Variants in MACF1 observed in about 807,000 individuals in gnomAD.
MACF1 encodes the protein microtubule-actin cross-linking factor 1.
A neutral mutation model predicts 854.8 loss-of-function variants in MACF1; 193 were observed. The ratio of observed to expected loss-of-function variants is 0.23; its 90% CI spans 0.20 to 0.25. The LOEUF (loss-of-function observed/expected upper bound fraction) is 0.25, where lower values mean the gene tolerates loss of function less well. MACF1 is among the 10% of genes least tolerant of loss of function. The pLI, the probability that MACF1 is intolerant of heterozygous loss-of-function variation, is 1.00. For synonymous variants in MACF1, 3,185 were observed against 3,226.7 expected (o/e 0.99, Z 0.44); for missense variants, 7,722 against 8,929.1 (o/e 0.86, Z 5.45).
intron 6 of MACF1, among the ~76,000 whole-genome samples, chr1:39,259,341 A>C (rs1034867435): frequency 6.6e-6 from 1 of 152,122 alleles, no homozygotes; most frequent in African/African-American, 2.4e-5. Context: ...GGCTCACTGC[A>C]ACCTCCGCCT....
At chr1:39,195,632 C>G (rs1644309591) in intron 2 of MACF1, among the ~76,000 whole-genome samples, 1 of 152,116 alleles carries the variant, frequency 6.6e-6, no homozygotes, top group Non-Finnish European at 1.5e-5. Context: ...TGTGGAAGTA[C>G]TGGCTTTAAG....
chr1:39,343,171 T>C (rs1017324814), intron 40 of MACF1, among the ~76,000 whole-genome samples: 6 of 152,234 alleles, frequency 3.9e-5, no homozygotes, highest in African/African-American at 1.2e-4. Flanking sequence ...TTTTGTTCTA[T>C]TTAAGATTAT....
intron 97 of MACF1, among the ~76,000 whole-genome samples, chr1:39,471,996 A>G (rs1425122468): frequency 6.6e-6 from 1 of 152,200 alleles, no homozygotes; most frequent in Non-Finnish European, 1.5e-5. Context: ...ACTGAATTTT[A>G]ACATGCCCGC....
In MACF1 at chr1:39,251,448, C is replaced by T. The variant is rs180926590; in HGVS notation, c.262-398C>T. On this transcript the variant is annotated intron_variant, in intron 3 of 100. Coordinates refer to ENST00000564288, the MANE Select transcript of MACF1 (RefSeq NM_001394062.1). The stretch of plus-strand genomic sequence containing the variant: ...TGATCTTTTTTGGTTGTATTGCTTA[C>T]GTAATAAGTTGAAACTATGTCAATC... Among the ~76,000 whole-genome samples, 161 of 152,240 alleles carry T rather than the reference C, an allele frequency of 1.1e-3. 1 individual carries two copies. Among genetic ancestry groups the T allele is most frequent in the African/African-American group, 3.4e-3 (141 of 41,538 alleles).
intron 56 of MACF1, among the ~76,000 whole-genome samples, chr1:39,383,179 G>A (rs1206043444): frequency 6.6e-6 from 1 of 152,190 alleles, no homozygotes; most frequent in Non-Finnish European, 1.5e-5. Flanking sequence ...ATCCTGCCTG[G>A]AGGCTTTTAC....
At chr1:39,225,467 C>T (rs1353701609) in intron 1 of MACF1, among the ~76,000 whole-genome samples, 7 of 152,128 alleles carry the variant, frequency 4.6e-5, no homozygotes, top group Middle Eastern at 3.4e-3. Flanking sequence ...CCACCCGCCT[C>T]GGCCTCCCAA....
chr1:39,144,656 C>CTTT (rs56164405), intron 2 of MACF1, among the ~76,000 whole-genome samples: 1 of 146,570 alleles, frequency 6.8e-6, no homozygotes. Context: ...CAATTTTGGT[C>CTTT]TTTTTTTTTT....
At chr1:39,124,086 A>C (rs1455047471) in intron 2 of MACF1, among the ~76,000 whole-genome samples, 6 of 130,250 alleles carry the variant, frequency 4.6e-5, no homozygotes, top group African/African-American at 1.2e-4. Context: ...GGGCTTTGCC[A>C]TGTTGCCCAG....
intron 84 of MACF1, among the ~76,000 whole-genome samples, chr1:39,450,440 A>G (rs530218532): frequency 6.6e-6 from 1 of 152,096 alleles, no homozygotes; most frequent in East Asian, 1.9e-4. Context: ...AGAGTGGTAT[A>G]TGAGGTGATT....
At chr1:39,368,690 C>T (rs1442229331) in intron 50 of MACF1, among the ~76,000 whole-genome samples, 7 of 152,008 alleles carry the variant, frequency 4.6e-5, no homozygotes, top group Middle Eastern at 3.2e-3. Flanking sequence ...TTAGTAGAGA[C>T]GGGGTTTCCC....
At chr1:39,453,004 C>T (rs867683157) in intron 87 of MACF1, among the ~76,000 whole-genome samples, 192 bp downstream of exon 87, 2 of 152,216 alleles carry the variant, frequency 1.3e-5, no homozygotes, top group Non-Finnish European at 2.9e-5. Context: ...ACACCTTAAA[C>T]AGTAACATTC....
chr1:39,093,881 G>A (rs1465703362), intron 2 of MACF1, among the ~76,000 whole-genome samples: 4 of 151,652 alleles, frequency 2.6e-5, no homozygotes, highest in Admixed American at 1.3e-4. Flanking sequence ...TCTGCCTCCC[G>A]GGTTCTCCTG....
At chr1:39,153,880 G>A (rs988795799) in intron 2 of MACF1, among the ~76,000 whole-genome samples, 1 of 152,106 alleles carries the variant, frequency 6.6e-6, no homozygotes, top group Admixed American at 6.6e-5. Context: ...TGCTGCCAGG[G>A]GGAGACAATG....
chr1:39,246,548 G>C (rs1644982567), intron 2 of MACF1, among the ~76,000 whole-genome samples: 1 of 151,934 alleles, frequency 6.6e-6, no homozygotes, highest in Non-Finnish European at 1.5e-5. Context: ...CACTCCTGTT[G>C]CCCGGGCTGG....
chr1:39,134,798 A>T (rs751300558), intron 2 of MACF1, among the ~76,000 whole-genome samples: 15 of 152,338 alleles, frequency 9.8e-5, no homozygotes, highest in Non-Finnish European at 1.8e-4. Flanking sequence ...CTAATATAAC[A>T]TTTAGCATTT....
At chr1:39,359,785 A>G (rs1246294388) in intron 47 of MACF1, among the ~76,000 whole-genome samples, 1 of 151,178 alleles carries the variant, frequency 6.6e-6, no homozygotes, top group African/African-American at 2.4e-5. Context: ...CCTGGCCAAG[A>G]AGATGAAACC....
At chr1:39,387,113 C>T (rs1005576399) in intron 57 of MACF1, 74 bp from the exon 58 acceptor site, 23 of 1,509,298 alleles carry the variant, frequency 1.5e-5, no homozygotes, top group South Asian at 6.5e-5. Context: ...AAGATTAGAC[C>T]GTATACTCTC....
At position 39,485,858 on chromosome 1, in the gene MACF1, T is replaced by G; in HGVS notation, c.*64T>G. 2.1e-6 allele frequency: 3 copies of G among 1,457,322 alleles called. No homozygotes were observed. The Admixed American group carries it at 7.4e-5, about 36-fold the overall frequency. The allele number at this position is 1,457,322 out of a possible 1,614,324, so 90.3% of individuals were successfully genotyped here. On this transcript the variant is annotated 3_prime_UTR_variant, in exon 101 of 101. Coordinates refer to ENST00000564288, the MANE Select transcript of MACF1 (RefSeq NM_001394062.1). ...TCCTGCTCCATACATTGGGTGTATATTTATTCTGAACGGGAGAAGTTATAT... is the reference window on the plus strand; with the variant it reads ...TCCTGCTCCATACATTGGGTGTATAGTTATTCTGAACGGGAGAAGTTATAT...
chr1:39,333,565 T>G lies in MACF1; in HGVS notation c.6977T>G (p.Met2326Arg), dbSNP rs1428600594. ...CCAAGTCACACTGCCGTGAAGCTTA[T>G]GGAGAAGCTGAACATGTTTCAGGGG... ...IVPSHTAVKLMEKLNMFQGFF... is the reference protein window; with the variant it reads ...IVPSHTAVKLREKLNMFQGFF... The change falls in exon 37 of 101, where the codon ATG (methionine) becomes AGG (arginine). Residue 2326 changes from methionine to arginine, a missense_variant. Transcript: ENST00000564288. 3 of 1,614,086 alleles carry G rather than the reference T, an allele frequency of 1.9e-6. No homozygotes were observed. The highest frequency in any genetic ancestry group is 2.7e-5 in the African/African-American group (2 of 74,924).
Sources: gnomAD v4.1 joint callset for allele counts (sites outside exome capture counted in the v4.1 genomes callset) on GRCh38, gnomAD v4.1.1 for gene constraint, MANE v1.5 for transcripts, NCBI Gene and HGNC (gene_info 2026-07-23, HGNC 2026-07-21) for gene names.